Variants in F13A1 observed in about 807,000 individuals in gnomAD.
F13A1 encodes the protein FSF, A subunit.
A neutral mutation model predicts 80.1 loss-of-function variants in F13A1; 47 were observed. The ratio of observed to expected loss-of-function variants is 0.59; its 90% CI spans 0.46 to 0.75. The LOEUF (loss-of-function observed/expected upper bound fraction) is 0.75, where lower values mean the gene tolerates loss of function less well. F13A1 is among the 30% of genes least tolerant of loss of function. The probability of loss-of-function intolerance (pLI) is 0.00; values close to 1 mark genes in which losing one functional copy is unlikely to be tolerated. For synonymous variants in F13A1, 349 were observed against 344.9 expected, an observed-to-expected ratio of 1.01 and a Z score of -0.13; for missense variants, 817 against 930.4, an observed-to-expected ratio of 0.88 and a Z score of 1.59.
intron 3 of F13A1, among the ~76,000 whole-genome samples, chr6:6,295,307 G>A (rs1445496108): frequency 2.7e-5 from 4 of 148,776 alleles, no homozygotes; most frequent in Non-Finnish European, 5.9e-5. Flanking sequence ...CTAGATCTCT[G>A]AGGAATTGCC....
At chr6:6,190,899 G>A (rs1353979639) in intron 10 of F13A1, among the ~76,000 whole-genome samples, 6 of 151,410 alleles carry the variant, frequency 4.0e-5, no homozygotes, top group East Asian at 1.9e-4. Flanking sequence ...AGGACCCTCC[G>A]AGCCAGGTGC....
At chr6:6,217,557 C>T (rs767143171) in intron 8 of F13A1, among the ~76,000 whole-genome samples, 68 of 150,972 alleles carry the variant, frequency 4.5e-4, no homozygotes, top group South Asian at 1.1e-3. Flanking sequence ...AGGGATAGCA[C>T]TGGGAGATAT....
rs190815682 is a variant in F13A1, at chr6:6,238,755, A to G, written c.798+9557T>C. On this transcript the variant is annotated intron_variant, in intron 6 of 14. Transcript: ENST00000264870. ...ATATAGCCAATAAATGTATTAAAAGATGCTCAAAATCATTAGCCATCAGGG... is the reference window on the plus strand; with the variant it reads ...ATATAGCCAATAAATGTATTAAAAGGTGCTCAAAATCATTAGCCATCAGGG... 2.0e-3 allele frequency among the ~76,000 whole-genome samples: 285 copies of G among 145,490 alleles called. 1 individual carries two copies. Among genetic ancestry groups the G allele is most frequent in the East Asian group, 0.012 (62 of 5,180 alleles).
intron 8 of F13A1, among the ~76,000 whole-genome samples, chr6:6,207,739 T>C (rs1761520704): frequency 6.6e-6 from 1 of 152,192 alleles, no homozygotes; most frequent in African/African-American, 2.4e-5. Context: ...GCTGGGGAGC[T>C]TTTGGCCCAA....
chr6:6,156,154 A>C (rs910126034), intron 13 of F13A1, among the ~76,000 whole-genome samples: 8 of 152,180 alleles, frequency 5.3e-5, no homozygotes, highest in Non-Finnish European at 1.0e-4. Context: ...TATTGAAAAT[A>C]TCTCTCTCTG....
At chr6:6,299,656 T>C (rs1333903320) in intron 3 of F13A1, among the ~76,000 whole-genome samples, 1 of 140,064 alleles carries the variant, frequency 7.1e-6, no homozygotes, top group Non-Finnish European at 1.5e-5. Context: ...TCTTCTAAAT[T>C]TTTTTCAAAG....
intron 8 of F13A1, among the ~76,000 whole-genome samples, chr6:6,210,619 C>G (rs1002177192): frequency 2.6e-5 from 4 of 151,904 alleles, no homozygotes; most frequent in African/African-American, 9.7e-5. Context: ...TGGTCTTGAT[C>G]TCCTGACCTT....
At chr6:6,152,100 C>A in intron 13 of F13A1, 151 bp from the exon 14 acceptor site, 1 of 868,040 alleles carries the variant, frequency 1.2e-6, no homozygotes. Flanking sequence ...ATTGCTTTGA[C>A]TGGAGGATAC....
chr6:6,269,600 T>G (rs1757893398), intron 3 of F13A1, among the ~76,000 whole-genome samples: 1 of 152,134 alleles, frequency 6.6e-6, no homozygotes, highest in South Asian at 2.1e-4. Flanking sequence ...TAATTTCTGA[T>G]TTTCTGAGTT....
rs142549152 is a variant in F13A1, at chr6:6,307,650, A to G, written c.131-2111T>C. Among the ~76,000 whole-genome samples the G allele has an allele frequency of 1.9e-4, 29 of 152,306 alleles. No individual in the cohort carries two copies. The East Asian group carries it at 5.4e-3, about 28-fold the overall frequency. Reference sequence around the variant, plus strand: ...AATGGAAGGAATATACTGATATTACATCCTTACAGAATCTCACAGAACAGC... The same window carrying G: ...AATGGAAGGAATATACTGATATTACGTCCTTACAGAATCTCACAGAACAGC... On this transcript the variant is annotated intron_variant, in intron 2 of 14. Coordinates refer to ENST00000264870, the MANE Select transcript of F13A1 (RefSeq NM_000129.4).
At chr6:6,146,954 C>T (rs945376593) in intron 14 of F13A1, among the ~76,000 whole-genome samples, 1 of 152,066 alleles carries the variant, frequency 6.6e-6, no homozygotes, top group African/African-American at 2.4e-5. Context: ...TATGCATATA[C>T]CATGGAATAC....
chr6:6,265,220 C>A (rs569704026), intron 4 of F13A1, among the ~76,000 whole-genome samples: 2 of 152,154 alleles, frequency 1.3e-5, no homozygotes, highest in Non-Finnish European at 2.9e-5. Context: ...AACCCTGATT[C>A]AAATGTGACT....
intron 8 of F13A1, among the ~76,000 whole-genome samples, chr6:6,203,985 A>G (rs2151084602): frequency 6.6e-6 from 1 of 152,328 alleles, no homozygotes; most frequent in Admixed American, 6.5e-5. Flanking sequence ...ACCAAAACCC[A>G]GTAGAGCACA....
chr6:6,305,309 C>A (rs767979854), intron 3 of F13A1, 42 bp downstream of exon 3: 88 of 1,609,034 alleles, frequency 5.5e-5, no homozygotes, highest in Admixed American at 3.7e-4. Context: ...CTCTACAATG[C>A]AACCCATGGT....
intron 6 of F13A1, among the ~76,000 whole-genome samples, chr6:6,244,108 C>G (rs1396667119): frequency 6.6e-6 from 1 of 152,184 alleles, no homozygotes; most frequent in African/African-American, 2.4e-5. Flanking sequence ...TGACTCAGGG[C>G]TCAGAGTCCA....
intron 6 of F13A1, among the ~76,000 whole-genome samples, chr6:6,240,435 A>T (rs1171583496): frequency 6.6e-6 from 1 of 152,120 alleles, no homozygotes; most frequent in Non-Finnish European, 1.5e-5. Flanking sequence ...TTATATCTGT[A>T]TCCAAGGAGC....
intron 10 of F13A1, among the ~76,000 whole-genome samples, chr6:6,182,364 A>G (rs140087539): frequency 6.6e-6 from 1 of 152,308 alleles, no homozygotes; most frequent in East Asian, 1.9e-4. Flanking sequence ...TGAGGCTGAG[A>G]TAATAAACTG....
chr6:6,181,227 A>G lies in F13A1; in HGVS notation c.1459+761T>C, dbSNP rs188666381. On this transcript the variant is annotated intron_variant, in intron 11 of 14. Transcript: ENST00000264870. ...CTTCTCTTCTCAAGTCTTTTTCTGA[A>G]TCAGTTGGACTAAATGCCCCTACTT... is the stretch of plus-strand genomic sequence containing the variant. Among the ~76,000 whole-genome samples, 94 of 152,302 alleles carry G rather than the reference A, an allele frequency of 6.2e-4. No homozygotes were observed. The East Asian group carries it at 0.017, about 28-fold the overall frequency.
At chr6:6,316,493 T>G (rs1758688298) in intron 2 of F13A1, among the ~76,000 whole-genome samples, 1 of 152,070 alleles carries the variant, frequency 6.6e-6, no homozygotes, top group Non-Finnish European at 1.5e-5. Context: ...GTTATGCTGC[T>G]CCCCACCTGT....
Sources: allele counts gnomAD v4.1 joint callset (sites outside exome capture counted in the v4.1 genomes callset), GRCh38; gene constraint gnomAD v4.1.1; transcripts MANE v1.5; gene names NCBI Gene and HGNC (gene_info 2026-07-23, HGNC 2026-07-21).